The following MARK2 variants were observed in gnomAD, a reference collection of about 807,000 sequenced individuals.
MARK2 encodes serine/threonine-protein kinase MARK2.
MARK2 carries 16 observed loss-of-function variants against 89.8 expected under a neutral mutation model. The ratio of observed to expected loss-of-function variants is 0.18; its 90% CI spans 0.12 to 0.27. The LOEUF (loss-of-function observed/expected upper bound fraction) is 0.27, where lower values mean the gene tolerates loss of function less well. MARK2 is among the 10% of genes least tolerant of loss of function. The pLI, the probability that MARK2 is intolerant of heterozygous loss-of-function variation, is 1.00. For synonymous variants in MARK2, 382 were observed against 399.5 expected (o/e 0.96, Z 0.52); for missense variants, 621 against 1,049.9 (o/e 0.59, Z 5.65).
chr11:63,898,497 G>C lies in MARK2; in HGVS notation c.338-111G>C, dbSNP rs181417512. 991 of 938,868 alleles carry C rather than the reference G, an allele frequency of 1.1e-3. 2 individuals are homozygous for C. The highest frequency in any genetic ancestry group is 1.5e-3 in the Non-Finnish European group (885 of 581,306). The allele number at this position is 938,868 out of a possible 1,614,324, so 58.2% of individuals were successfully genotyped here. On this transcript the variant is annotated intron_variant, in intron 4 of 18. Transcript: ENST00000402010. ...GAGGAACTTGTTCTTGGGAGTGGGGGATCATGAAAGGAGGGGAGACTTTCG... is the reference window on the plus strand; with the variant it reads ...GAGGAACTTGTTCTTGGGAGTGGGGCATCATGAAAGGAGGGGAGACTTTCG...
Position 63,904,930 on chromosome 11 carries a change from C to A in MARK2, c.1821C>A (p.Asp607Glu). 1 of 1,614,122 alleles carries A rather than the reference C, an allele frequency of 6.2e-7. No individual in the cohort carries two copies. The highest frequency in any genetic ancestry group is 2.2e-5 in the East Asian group (1 of 44,894). ...CTGGGCAGCTCCGACAGGTGCGGGA[C>A]CAGCAGAATTTGCCCTACGGTGTGA... is the stretch of plus-strand genomic sequence containing the variant. ...FHAGQLRQVR[D>E]QQNLPYGVTP... Residue 607 changes from aspartate (D) to glutamate (E), a missense_variant, in exon 16 of 19, where the codon GAC (aspartate) becomes GAA (glutamate). Transcript: ENST00000402010. This position sits in a 1 kb window ranked among gnomAD's most constrained non-coding sequence, Gnocchi z 6.3.
In MARK2 at chr11:63,839,568, GC is replaced by G; in HGVS notation, c.54+12del. 1 of 1,523,614 alleles carries G rather than the reference GC, an allele frequency of 6.6e-7. No homozygotes were observed. The allele number at this position is 1,523,614 out of a possible 1,614,324, so 94.4% of individuals were successfully genotyped here. A position where few individuals can be genotyped will look rare whatever the true frequency, so the allele number is the denominator to read the frequency against. On this transcript the variant is annotated intron_variant, in intron 1 of 18. Coordinates refer to ENST00000402010, the MANE Select transcript of MARK2 (RefSeq NM_001039469.3). ...GAGAGGGACACGGAGCAGGTAAGGAGCCCCGAGGGCTCCCCGAATTCTCTGG... is the reference window on the plus strand; with the variant it reads ...GAGAGGGACACGGAGCAGGTAAGGAGCCCGAGGGCTCCCCGAATTCTCTGG...
intron 3 of MARK2, among the ~76,000 whole-genome samples, chr11:63,897,472 C>T (rs1590674283): frequency 1.3e-5 from 2 of 152,186 alleles, no homozygotes; most frequent in African/African-American, 4.8e-5. Context: ...TGAATTAGGG[C>T]TTCCCCTACC....
intron 4 of MARK2, 35 bp from the exon 5 acceptor site, chr11:63,898,573 C>T (rs1478569595): frequency 3.9e-6 from 6 of 1,553,240 alleles, no homozygotes; most frequent in African/African-American, 1.4e-5. Flanking sequence ...GCCCCTGTTG[C>T]TTCTTGACTT....
intron 1 of MARK2, among the ~76,000 whole-genome samples, chr11:63,875,528 AG>A (rs1849768830): frequency 6.6e-6 from 1 of 152,168 alleles, no homozygotes; most frequent in African/African-American, 2.4e-5. Context: ...CTGGGATTAC[AG>A]GTGTGAGACA....
chr11:63,889,664 C>G (rs1939675724), intron 1 of MARK2, among the ~76,000 whole-genome samples: 1 of 152,276 alleles, frequency 6.6e-6, no homozygotes, highest in African/African-American at 2.4e-5. Context: ...CCTGCCTTCT[C>G]TCTTCCTCTC....
At chr11:63,852,042 C>T (rs1273923219) in intron 1 of MARK2, among the ~76,000 whole-genome samples, 1 of 152,212 alleles carries the variant, frequency 6.6e-6, no homozygotes, top group African/African-American at 2.4e-5. Context: ...AGTCAAAATT[C>T]TGTTCATAGT....
chr11:63,881,664 G>A (rs1229356254), intron 1 of MARK2, among the ~76,000 whole-genome samples: 1 of 151,964 alleles, frequency 6.6e-6, no homozygotes, highest in Non-Finnish European at 1.5e-5. Context: ...AAATCAATGG[G>A]GCTGGGTGTG....
chr11:63,902,368 C>T lies in MARK2; in HGVS notation c.1234+38C>T, dbSNP rs200185863. On this transcript the variant is annotated intron_variant, in intron 12 of 18. Transcript: ENST00000402010. This position sits in a 1 kb window ranked among gnomAD's most constrained non-coding sequence, Gnocchi z 4.2. ...GGGAGTTGTAGGTGGGGACTCACCC[C>T]TCTCCAGAGAGGTTACAGGTTCTGT... 1 of 1,612,662 alleles carries T rather than the reference C, an allele frequency of 6.2e-7. No individual in the cohort carries two copies. Among genetic ancestry groups the T allele is most frequent in the East Asian group, 2.2e-5 (1 of 44,868 alleles).
chr11:63,895,427 T>G lies in MARK2; in HGVS notation c.234+89T>G. On this transcript the variant is annotated intron_variant, in intron 2 of 18. Transcript: ENST00000402010. ...GATGGGACTACTACTGCAGCCAACC[T>G]CTTGTTTATCCGGCAGAAATGAGAT... 8.8e-6 allele frequency: 13 copies of G among 1,482,098 alleles called. No individual in the cohort carries two copies. The South Asian group carries it at 1.4e-4, about 16-fold the overall frequency. 91.8% of individuals were successfully genotyped at this position (1,482,098 alleles called of 1,614,324 possible).
chr11:63,850,342 G>GTTTTTTTTT (rs1382022541), intron 1 of MARK2, among the ~76,000 whole-genome samples: 7 of 120,754 alleles, frequency 5.8e-5, no homozygotes, highest in Admixed American at 9.1e-5. Context: ...TTTTTTTTTG[G>GTTTTTTTTT]ATTTTTAGTA....
intron 1 of MARK2, among the ~76,000 whole-genome samples, chr11:63,841,043 C>CA (rs2015989398): frequency 6.6e-6 from 1 of 152,068 alleles, no homozygotes; most frequent in African/African-American, 2.4e-5. Flanking sequence ...TTTACTAGGC[C>CA]AAAAAAACTT....
chr11:63,899,575 T>G (rs1940701127), intron 7 of MARK2, among the ~76,000 whole-genome samples: 1 of 152,118 alleles, frequency 6.6e-6, no homozygotes, highest in African/African-American at 2.4e-5. Flanking sequence ...GGCTGCTGAG[T>G]CCTCACAGAC....
chr11:63,906,664 G>A (rs1049032811), intron 17 of MARK2, among the ~76,000 whole-genome samples: 1 of 151,936 alleles, frequency 6.6e-6, no homozygotes, highest in Non-Finnish European at 1.5e-5. Context: ...CCTCTTCCCC[G>A]TGGCCTATGG....
At chr11:63,861,806 A>G (rs1341845374) in intron 1 of MARK2, among the ~76,000 whole-genome samples, 1 of 145,616 alleles carries the variant, frequency 6.9e-6, no homozygotes, top group Non-Finnish European at 1.5e-5. Flanking sequence ...CAACGGCACG[A>G]CCTTGGCTCA....
chr11:63,862,652 G>T (rs1319646310), intron 1 of MARK2, among the ~76,000 whole-genome samples: 1 of 152,084 alleles, frequency 6.6e-6, no homozygotes, highest in Non-Finnish European at 1.5e-5. Context: ...TTTAACCCCA[G>T]CTTCTGATTC....
chr11:63,864,234 G>A (rs912973790), intron 1 of MARK2, among the ~76,000 whole-genome samples: 9 of 151,674 alleles, frequency 5.9e-5, no homozygotes, highest in Admixed American at 4.6e-4. Flanking sequence ...GATTACAGGC[G>A]TGAGCCGCCA....
chr11:63,886,441 T>C (rs1473972708), intron 1 of MARK2, among the ~76,000 whole-genome samples: 4 of 150,094 alleles, frequency 2.7e-5, no homozygotes, highest in Non-Finnish European at 5.9e-5. Flanking sequence ...CTTTTTTTTT[T>C]TGAGACAGAG....
chr11:63,866,706 TTTTTTTG>T (rs1243950286), intron 1 of MARK2, among the ~76,000 whole-genome samples: 2 of 150,304 alleles, frequency 1.3e-5, no homozygotes, highest in African/African-American at 2.4e-5. Flanking sequence ...CTCATCTGTG[TTTTTTTG>T]TTTTTTGTTT....
Sources: allele counts gnomAD v4.1 joint callset (sites outside exome capture counted in the v4.1 genomes callset), GRCh38; gene constraint gnomAD v4.1.1; non-coding constraint Gnocchi (gnomAD v3.1); transcripts MANE v1.5; gene names NCBI Gene and HGNC (gene_info 2026-07-23, HGNC 2026-07-21).